The following CCNB3 variants were observed in gnomAD, a reference collection of about 807,000 sequenced individuals.
CCNB3 encodes the protein G2/mitotic-specific cyclin-B3.
A neutral mutation model predicts 68.0 loss-of-function variants in CCNB3; 12 were observed. The observed-to-expected ratio is 0.18, with a 90% CI of 0.11 to 0.29. The LOEUF (loss-of-function observed/expected upper bound fraction) is 0.29, where lower values mean the gene tolerates loss of function less well. Ranked by LOEUF, CCNB3 falls within the 10% of genes least tolerant of loss-of-function variation. The pLI is 1.00. For missense variants in CCNB3, 904 were observed against 993.1 expected, an observed-to-expected ratio of 0.91 and a Z score of 1.21; for synonymous variants, 354 against 388.9, an observed-to-expected ratio of 0.91 and a Z score of 1.06.
chrX:50,340,502 A>T, intron 8 of CCNB3, among the ~76,000 whole-genome samples: 1 of 112,399 alleles, frequency 8.9e-6, no homozygotes, highest in Non-Finnish European at 1.9e-5. Flanking sequence ...TTGTGTATAG[A>T]TGTGCAAATT....
chrX:50,309,755 A>G lies in CCNB3; in HGVS notation c.1586A>G (p.Glu529Gly). 1.7e-6 allele frequency: 2 copies of G among 1,210,716 alleles called. No individual in the cohort carries two copies. Among genetic ancestry groups the G allele is most frequent in the East Asian group, 3.0e-5 (1 of 33,817 alleles). The change falls in exon 6 of 13, where the codon GAA (glutamate) becomes GGA (glycine). Residue 529 changes from glutamate to glycine, a missense_variant. Glu to Gly is a moderately conservative substitution (Grantham distance 98). Coordinates refer to ENST00000376042, the MANE Select transcript of CCNB3 (RefSeq NM_033031.3). Reference sequence around the variant, plus strand: ...AAGGAGCCACTGCCCTTTAAAGAAGAAAAAGTGTCTTTAAAGAAAAAGTGT... The same window carrying G: ...AAGGAGCCACTGCCCTTTAAAGAAGGAAAAGTGTCTTTAAAGAAAAAGTGT... Reference protein sequence around the residue: ...LIKEPLPFKEEKVSLKKKCTT... With the variant: ...LIKEPLPFKEGKVSLKKKCTT...
chrX:50,301,807 G>A (rs1181692103), intron 5 of CCNB3, among the ~76,000 whole-genome samples: 1 of 112,843 alleles, frequency 8.9e-6, no homozygotes, highest in African/African-American at 3.2e-5. Context: ...TGGCTGCTTT[G>A]CTTACCTACT....
At chrX:50,348,190 A>G (rs1923498343) in intron 11 of CCNB3, among the ~76,000 whole-genome samples, 1 of 111,112 alleles carries the variant, frequency 9.0e-6, no homozygotes, top group East Asian at 2.8e-4. Flanking sequence ...GCCAGAGAAG[A>G]GTAGTGAAAG....
At chrX:50,293,000 A>G (rs1557210313) in intron 4 of CCNB3, among the ~76,000 whole-genome samples, 1 of 111,940 alleles carries the variant, frequency 8.9e-6, no homozygotes, top group African/African-American at 3.3e-5. Flanking sequence ...CCCATTCTGC[A>G]GACAGAGCTA....
upstream of CCNB3, chrX:50,204,545 G>A (rs1557205187): frequency 9.2e-6 from 1 of 108,532 alleles, no homozygotes; most frequent in Non-Finnish European, 1.9e-5. Context: ...TGATTAGCAT[G>A]CCTTTTATTT....
chrX:50,311,052 C>T lies in CCNB3; in HGVS notation c.2883C>T (p.Thr961=), dbSNP rs1177263834. Reference sequence around the variant, plus strand: ...AGAGTCCCACCTACAAGGAAGACACCTTTCTCAAAACATTGTTGGTCCCCC... The same window carrying T: ...AGAGTCCCACCTACAAGGAAGACACTTTTCTCAAAACATTGTTGGTCCCCC... ...LQESPTYKED[T]FLKTLLVPQV... The change falls in exon 6 of 13, where the codon ACC becomes ACT. Residue 961 remains threonine (T), a synonymous_variant. Transcript: ENST00000376042. The T allele has an allele frequency of 1.7e-5, 20 of 1,206,677 alleles. No individual in the cohort carries two copies. The highest frequency in any genetic ancestry group is 2.0e-5 in the Non-Finnish European group (18 of 894,449).
chrX:50,346,873 G>A lies in CCNB3; in HGVS notation c.3810+66G>A, dbSNP rs1190035731. On this transcript the variant is annotated intron_variant, in intron 10 of 12. Transcript: ENST00000376042. ...GTTAGTCTCCTTTATACCCAGAGTA[G>A]CTGCCTTGAGTGGTAGGAAAGGGGA... 1.0e-5 allele frequency: 11 copies of A among 1,078,520 alleles called. No homozygotes were observed. In the African/African-American group the frequency reaches 1.8e-4, roughly 18 times the overall value. 88.9% of individuals were successfully genotyped at this position (1,078,520 alleles called of 1,213,427 possible).
At position 50,347,766 on chromosome X, in the gene CCNB3, C is replaced by T. The variant is rs148986685; in HGVS notation, c.3951C>T (p.Leu1317=). 31 of 1,206,700 alleles carry T rather than the reference C, an allele frequency of 2.6e-5. No individual in the cohort carries two copies. In the African/African-American group the frequency reaches 3.9e-4, roughly 15 times the overall value. ...TCCTGGCCCTCTACATGAAGAAGCT[C>T]GGATACTGGGTAAACACTTGCGAGA... ...SLLLALYMKK[L]GYWVPFLEHY... Residue 1317 remains leucine, a synonymous_variant, in exon 11 of 13, where the codon CTC becomes CTT. Transcript: ENST00000376042.
chrX:50,283,027 G>C (rs907522101), intron 1 of CCNB3, among the ~76,000 whole-genome samples: 8 of 111,393 alleles, frequency 7.2e-5, no homozygotes, highest in African/African-American at 2.6e-4. Flanking sequence ...ATATAGGTTT[G>C]GATTTGATAG....
intron 1 of CCNB3, among the ~76,000 whole-genome samples, chrX:50,225,098 A>G (rs1935730918): frequency 9.0e-6 from 1 of 111,530 alleles, no homozygotes; most frequent in Non-Finnish European, 1.9e-5. Flanking sequence ...AAATTGCAGT[A>G]TTACTCCTTA....
intron 1 of CCNB3, among the ~76,000 whole-genome samples, chrX:50,215,355 GTTA>G (rs1296740174): frequency 9.0e-6 from 1 of 110,981 alleles, no homozygotes; most frequent in Non-Finnish European, 1.9e-5. Flanking sequence ...AACATACTGT[GTTA>G]TGAGTTCAAT....
upstream of CCNB3, among the ~76,000 whole-genome samples, chrX:50,204,142 A>G (rs782510627): frequency 1.8e-5 from 2 of 111,777 alleles, no homozygotes; most frequent in African/African-American, 6.5e-5. Context: ...TCAAGACACA[A>G]GGTTTTGGAA....
intron 8 of CCNB3, among the ~76,000 whole-genome samples, chrX:50,339,363 A>G (rs782270519): frequency 7.1e-5 from 8 of 112,457 alleles, no homozygotes; most frequent in Non-Finnish European, 1.5e-4. Flanking sequence ...CGAGTTTCTG[A>G]TTAGCCTTAC....
intron 1 of CCNB3, among the ~76,000 whole-genome samples, chrX:50,212,650 C>A (rs1935500766): frequency 9.0e-6 from 1 of 110,523 alleles, no homozygotes; most frequent in South Asian, 3.9e-4. Flanking sequence ...AACCTTATAC[C>A]CTTTATCTAT....
rs782614580 is a variant in CCNB3 at position 50,310,880 on chromosome X, T to C, written c.2711T>C (p.Ile904Thr). 8.3e-7 allele frequency: 1 copy of C among 1,211,594 alleles called. No individual in the cohort carries two copies. Among genetic ancestry groups the C allele is most frequent in the Non-Finnish European group, 1.1e-6 (1 of 895,467 alleles). ...TTGGACTTGCAAGAGAAGCCCAGCATTAAGAAAGAGACCCTCCTCAAAAAG... is the reference window on the plus strand; with the variant it reads ...TTGGACTTGCAAGAGAAGCCCAGCACTAAGAAAGAGACCCTCCTCAAAAAG... ...ESLDLQEKPS[I>T]KKETLLKKPL... The change falls in exon 6 of 13, where the codon ATT becomes ACT. Residue 904 changes from isoleucine (I) to threonine (T), a missense_variant. Transcript: ENST00000376042.
intron 5 of CCNB3, among the ~76,000 whole-genome samples, chrX:50,301,118 C>G (rs1196901748): frequency 9.0e-6 from 1 of 111,156 alleles, no homozygotes; most frequent in Non-Finnish European, 1.9e-5. Context: ...TCTTCTGAGG[C>G]CTTCTTCTCT....
intron 1 of CCNB3, among the ~76,000 whole-genome samples, chrX:50,228,535 AAT>A (rs1322254587): frequency 2.2e-5 from 2 of 89,456 alleles, no homozygotes; most frequent in Admixed American, 1.5e-4. Flanking sequence ...ATCTATATAG[AAT>A]ATATATAGAA....
At chrX:50,319,721 A>G (rs1374589577) in intron 8 of CCNB3, among the ~76,000 whole-genome samples, 1 of 112,042 alleles carries the variant, frequency 8.9e-6, no homozygotes, top group African/African-American at 3.2e-5. Flanking sequence ...TTTAACTATT[A>G]GTGTGATTTT....
At chrX:50,316,327 T>C (rs1557215759) in intron 8 of CCNB3, among the ~76,000 whole-genome samples, 2 of 112,127 alleles carry the variant, frequency 1.8e-5, no homozygotes, top group East Asian at 2.8e-4. Flanking sequence ...TATTTCTTCA[T>C]AGATGTATGA....
Sources: gnomAD v4.1 joint callset for allele counts (sites outside exome capture counted in the v4.1 genomes callset) on GRCh38, gnomAD v4.1.1 for gene constraint, MANE v1.5 for transcripts, NCBI Gene and HGNC (gene_info 2026-07-23, HGNC 2026-07-21) for gene names.